Variants in UPRT observed in about 807,000 individuals in gnomAD.
UPRT encodes RP11-311P8.3.
In UPRT, 5 loss-of-function variants were observed where a neutral mutation model predicts 22.6. That is an observed-to-expected ratio of 0.22 (90% CI 0.12 to 0.47). The LOEUF (loss-of-function observed/expected upper bound fraction) is 0.47, where lower values mean the gene tolerates loss of function less well. UPRT is among the 20% of genes least tolerant of loss of function. The pLI is 0.99. For missense variants in UPRT, 181 were observed against 239.9 expected (o/e 0.75, Z 1.62); for synonymous variants, 77 against 87.7 (o/e 0.88, Z 0.68).
intron 4 of UPRT, among the ~76,000 whole-genome samples, chrX:75,248,484 T>G (rs2082515370): frequency 9.0e-6 from 1 of 110,906 alleles, no homozygotes; most frequent in Admixed American, 9.7e-5. Flanking sequence ...ATGAATGAAA[T>G]GAAGTGTGAA....
chrX:75,176,864 T>C (rs1051120405), intron 4 of UPRT, among the ~76,000 whole-genome samples: 1 of 111,268 alleles, frequency 9.0e-6, no homozygotes, highest in Non-Finnish European at 1.9e-5. Flanking sequence ...CAGGATAGTA[T>C]TGAAATTTGT....
chrX:75,181,831 T>C (rs2082271294), intron 4 of UPRT, among the ~76,000 whole-genome samples: 1 of 111,552 alleles, frequency 9.0e-6, no homozygotes, highest in Non-Finnish European at 1.9e-5. Context: ...TTTGAATGCC[T>C]TTTATTTTTT....
At chrX:75,198,457 G>T (rs2147621930) in intron 4 of UPRT, among the ~76,000 whole-genome samples, 1 of 111,871 alleles carries the variant, frequency 8.9e-6, no homozygotes, top group Non-Finnish European at 1.9e-5. Context: ...TCAAATTGAG[G>T]GTGGGGCAGG....
Position 75,274,189 on chromosome X carries a change from C to T in UPRT, c.-66C>T. 2.6e-6 allele frequency: 3 copies of T among 1,147,321 alleles called. No individual in the cohort carries two copies. In the South Asian group the frequency reaches 6.4e-5, roughly 24 times the overall value. 94.6% of individuals were successfully genotyped at this position (1,147,321 alleles called of 1,213,427 possible). On this transcript the variant is annotated 5_prime_UTR_variant, in exon 1 of 7. Coordinates refer to ENST00000373383, the MANE Select transcript of UPRT (RefSeq NM_145052.4). ...ACCGAGAGAGCACGTGAGCATCTGT[C>T]CTTTCTACCCGTTCCTCTTTATCTT...
chrX:75,225,323 C>CCACACACACACACA lies in UPRT; in HGVS notation c.-447+57474_-447+57487dup, dbSNP rs57493246. On this transcript the variant is annotated intron_variant, in intron 4 of 13. Coordinates refer to the UPRT transcript ENST00000652605. ...ACAAAAACAAAACCAAAACCAAAAA[C>CCACACACACACACA]CACACACACACACACACACACACAC... Among the ~76,000 whole-genome samples, 115 of 82,035 alleles carry CCACACACACACACA rather than the reference C, an allele frequency of 1.4e-3. 1 individual carries two copies. The highest frequency in any genetic ancestry group is 8.6e-3 in the East Asian group (20 of 2,322). 71.2% of individuals were successfully genotyped at this position (82,035 alleles called of 115,157 possible).
intron 4 of UPRT, among the ~76,000 whole-genome samples, chrX:75,213,258 T>TAAC (rs2082384485): frequency 8.9e-6 from 1 of 112,298 alleles, no homozygotes; most frequent in Admixed American, 9.5e-5. Flanking sequence ...AAATGGTCTT[T>TAAC]TAGCATCTGA....
chrX:75,198,795 G>T (rs928435001), intron 4 of UPRT, among the ~76,000 whole-genome samples: 1 of 111,328 alleles, frequency 9.0e-6, no homozygotes, highest in Non-Finnish European at 1.9e-5. Context: ...AGACAGTCTG[G>T]AATCACCAAT....
Position 75,274,379 on chromosome X carries a change from A to G in UPRT, c.125A>G (p.Asn42Ser). Residue 42 changes from asparagine (N) to serine (S), a missense_variant, in exon 1 of 7, where the codon AAC (asparagine) becomes AGC (serine). This residue lies in a region of UPRT where 111 missense variants were observed against 102.8 expected (regional missense o/e 1.08). Transcript: ENST00000373383. ...GDLILDHAGG[N>S]RASRAKVILL... ...CTGATCCTGGACCACGCAGGGGGAA[A>G]CAGAGCCTCCAGGGCCAAGGTGATT... 1.7e-6 allele frequency: 2 copies of G among 1,211,499 alleles called. No individual in the cohort carries two copies. Among genetic ancestry groups the G allele is most frequent in the Non-Finnish European group, 2.2e-6 (2 of 895,425 alleles).
At chrX:75,240,099 C>G (rs1015573689) in intron 4 of UPRT, among the ~76,000 whole-genome samples, 4 of 111,139 alleles carry the variant, frequency 3.6e-5, no homozygotes, top group African/African-American at 1.3e-4. Context: ...CTAGCCAGAG[C>G]AATCAGACAA....
chrX:75,231,718 T>A (rs1013279232), intron 4 of UPRT, among the ~76,000 whole-genome samples: 8 of 111,889 alleles, frequency 7.1e-5, no homozygotes, highest in Non-Finnish European at 1.3e-4. Flanking sequence ...AGGTAACATA[T>A]GAAGAAAAAC....
chrX:75,278,659 T>C lies in UPRT; in HGVS notation c.386+4019T>C, dbSNP rs1489206470. On this transcript the variant is annotated intron_variant, in intron 1 of 6. Coordinates refer to ENST00000373383, the MANE Select transcript of UPRT (RefSeq NM_145052.4). Reference sequence around the variant, plus strand: ...TCCCTGTCCAGTTTTTTGTTTTTTATTTTTTGTTTCCTGAAACATTAAAGC... The same window carrying C: ...TCCCTGTCCAGTTTTTTGTTTTTTACTTTTTGTTTCCTGAAACATTAAAGC... Among the ~76,000 whole-genome samples the C allele has an allele frequency of 4.5e-5, 5 of 112,322 alleles. No homozygotes were observed. The East Asian group carries it at 1.1e-3, about 25-fold the overall frequency.
intron 6 of UPRT, 92 bp downstream of exon 6, chrX:75,301,057 T>C (rs190760941): frequency 5.6e-5 from 33 of 584,603 alleles, no homozygotes; most frequent in Non-Finnish European, 5.3e-6. Flanking sequence ...AGGAAAAGTT[T>C]ATCTGCTTTC....
intron 1 of UPRT, chrX:75,156,631 C>T (rs1310151679): frequency 2.7e-6 from 1 of 366,927 alleles, no homozygotes; most frequent in Non-Finnish European, 5.1e-6. Flanking sequence ...AATCTGTCAA[C>T]CCCATCTTGT....
At chrX:75,167,365 T>G (rs931333870) in intron 3 of UPRT, among the ~76,000 whole-genome samples, 8 of 111,853 alleles carry the variant, frequency 7.2e-5, no homozygotes, top group Non-Finnish European at 1.3e-4. Flanking sequence ...CAAAAATCTT[T>G]CCCCACACCG....
intron 4 of UPRT, among the ~76,000 whole-genome samples, chrX:75,215,802 C>T (rs970731342): frequency 3.6e-5 from 4 of 111,131 alleles, no homozygotes; most frequent in African/African-American, 6.5e-5. Flanking sequence ...AATCTGCACA[C>T]GTACTTCCTG....
At chrX:75,298,864 A>G (rs965206376) in intron 4 of UPRT, among the ~76,000 whole-genome samples, 1 of 112,289 alleles carries the variant, frequency 8.9e-6, no homozygotes, top group Non-Finnish European at 1.9e-5. Context: ...CTTAGTATGT[A>G]CTAGATGACT....
At chrX:75,221,225 C>T (rs925142573) in intron 4 of UPRT, among the ~76,000 whole-genome samples, 6 of 107,122 alleles carry the variant, frequency 5.6e-5, no homozygotes, top group African/African-American at 2.0e-4. Flanking sequence ...TTTTTCTTTT[C>T]TCTTGCAGCT....
At chrX:75,232,310 T>G (rs1398730388) in intron 4 of UPRT, among the ~76,000 whole-genome samples, 1 of 112,480 alleles carries the variant, frequency 8.9e-6, no homozygotes, top group Non-Finnish European at 1.9e-5. Flanking sequence ...GTCTTGCTGA[T>G]TGCTAGCACA....
chrX:75,212,707 C>T (rs2082383146), intron 4 of UPRT, among the ~76,000 whole-genome samples: 1 of 111,590 alleles, frequency 9.0e-6, no homozygotes, highest in African/African-American at 3.3e-5. Context: ...CCAAACACTG[C>T]ATATTCTCAC....
Sources: allele counts gnomAD v4.1 joint callset (sites outside exome capture counted in the v4.1 genomes callset), GRCh38; gene constraint gnomAD v4.1.1; regional missense constraint gnomAD v4.1.1; transcripts MANE v1.5; gene names NCBI Gene and HGNC (gene_info 2026-07-23, HGNC 2026-07-21).